ADARB2: variants seen among roughly 807,000 people sequenced by gnomAD.
ADARB2 encodes inactive double-stranded RNA-specific editase B2.
ADARB2 carries 25 observed loss-of-function variants against 62.2 expected under a neutral mutation model. The observed-to-expected ratio is 0.40, with a 90% CI of 0.29 to 0.56. ADARB2 has a LOEUF of 0.56. Ranked by LOEUF, ADARB2 falls within the 20% of genes least tolerant of loss-of-function variation. The pLI, the probability that ADARB2 is intolerant of heterozygous loss-of-function variation, is 0.43. For missense variants in ADARB2, 1,071 were observed against 1,077.4 expected, an observed-to-expected ratio of 0.99 and a Z score of 0.08; for synonymous variants, 572 against 500.8, an observed-to-expected ratio of 1.14 and a Z score of -1.90.
At chr10:1,397,020 C>T (rs1832621835) in intron 1 of ADARB2, among the ~76,000 whole-genome samples, 1 of 27,768 alleles carries the variant, frequency 3.6e-5, no homozygotes. Flanking sequence ...GGGTCACCAT[C>T]AGCCTCTCCC....
chr10:1,512,207 G>C (rs1440202191), intron 1 of ADARB2, among the ~76,000 whole-genome samples: 3 of 149,318 alleles, frequency 2.0e-5, no homozygotes, highest in African/African-American at 4.9e-5. Flanking sequence ...CATATGGATG[G>C]TGTCTACACT....
chr10:1,524,972 T>C (rs1480417316), intron 1 of ADARB2, among the ~76,000 whole-genome samples: 1 of 152,202 alleles, frequency 6.6e-6, no homozygotes, highest in African/African-American at 2.4e-5. Flanking sequence ...TACTGCTATG[T>C]CTTTTTACCT....
At chr10:1,589,754 A>G (rs537270484) in intron 1 of ADARB2, among the ~76,000 whole-genome samples, 14 of 152,026 alleles carry the variant, frequency 9.2e-5, no homozygotes, top group African/African-American at 3.4e-4. Context: ...GCTCACCACA[A>G]CCTCCGCTTC....
intron 1 of ADARB2, among the ~76,000 whole-genome samples, chr10:1,492,745 A>G (rs1457610186): frequency 6.6e-6 from 1 of 151,970 alleles, no homozygotes; most frequent in African/African-American, 2.4e-5. Context: ...TCTGAGTCTC[A>G]CAATCAGAAG....
chr10:1,558,675 A>C lies in ADARB2; in HGVS notation c.100+178376T>G, dbSNP rs1265873412. On this transcript the variant is annotated intron_variant, in intron 1 of 9. Transcript: ENST00000381312. The stretch of plus-strand genomic sequence containing the variant: ...TGGGTGCTCAGCACCCCCATGCCCC[A>C]TCTAAATCCACATCCCACCTCTGCC... 2.6e-5 allele frequency among the ~76,000 whole-genome samples: 2 copies of C among 75,486 alleles called. 1 individual carries two copies. The allele number at this position is 75,486 out of a possible 152,430, so 49.5% of individuals were successfully genotyped here.
chr10:1,377,118 T>G (rs1412297491), intron 2 of ADARB2, among the ~76,000 whole-genome samples: 3 of 131,162 alleles, frequency 2.3e-5, no homozygotes, highest in African/African-American at 8.9e-5. Flanking sequence ...GGGATGTGTG[T>G]GTGCGGTGCG....
chr10:1,568,205 C>T (rs754483188), intron 1 of ADARB2, among the ~76,000 whole-genome samples: 30 of 152,228 alleles, frequency 2.0e-4, no homozygotes, highest in Non-Finnish European at 3.8e-4. Flanking sequence ...TCAACAGAGG[C>T]TTGGCCAGGC....
chr10:1,191,823 C>T (rs950628), intron 8 of ADARB2, among the ~76,000 whole-genome samples: 34,489 of 152,040 alleles, frequency 0.23, 5,180 homozygotes, highest in African/African-American at 0.41. Context: ...GCTAAACACA[C>T]ACAATCGTGT....
intron 1 of ADARB2, among the ~76,000 whole-genome samples, chr10:1,473,221 T>A (rs1001554937): frequency 6.6e-6 from 1 of 152,156 alleles, no homozygotes; most frequent in Non-Finnish European, 1.5e-5. Context: ...AAACTCTCAC[T>A]CCTGCTCTAA....
At chr10:1,498,018 A>G (rs952911253) in intron 1 of ADARB2, among the ~76,000 whole-genome samples, 1 of 152,154 alleles carries the variant, frequency 6.6e-6, no homozygotes, top group Non-Finnish European at 1.5e-5. Flanking sequence ...ATTTGTGTGT[A>G]TATGGAAAAG....
intron 1 of ADARB2, among the ~76,000 whole-genome samples, chr10:1,529,696 G>A (rs1201812577): frequency 1.3e-5 from 2 of 152,196 alleles, no homozygotes; most frequent in African/African-American, 4.8e-5. Flanking sequence ...TCCACGGGAG[G>A]GGGAGGCTTC....
At chr10:1,628,624 A>T (rs1043555756) in intron 1 of ADARB2, among the ~76,000 whole-genome samples, 3 of 152,238 alleles carry the variant, frequency 2.0e-5, no homozygotes, top group Non-Finnish European at 2.9e-5. Context: ...TCTGTACAAG[A>T]AACCTCCATG....
chr10:1,208,478 A>C (rs1837100332), intron 7 of ADARB2, among the ~76,000 whole-genome samples: 1 of 152,200 alleles, frequency 6.6e-6, no homozygotes, highest in South Asian at 2.1e-4. Flanking sequence ...ACTCAGGTGC[A>C]GGCAGCCGGG....
chr10:1,534,281 C>T (rs1832294223), intron 1 of ADARB2, among the ~76,000 whole-genome samples: 1 of 152,104 alleles, frequency 6.6e-6, no homozygotes. Context: ...GGATTATAGG[C>T]ACCCACCACC....
chr10:1,645,947 G>T (rs750665230), intron 1 of ADARB2, among the ~76,000 whole-genome samples: 3 of 152,160 alleles, frequency 2.0e-5, no homozygotes, highest in Non-Finnish European at 4.4e-5. Context: ...GTCTGTCCCT[G>T]CCTGGTGGAG....
intron 6 of ADARB2, among the ~76,000 whole-genome samples, chr10:1,228,844 T>C (rs1325936394): frequency 1.3e-5 from 2 of 152,228 alleles, no homozygotes; most frequent in Non-Finnish European, 2.9e-5. Context: ...AGGCCGTCCA[T>C]GCCTCCAAGC....
chr10:1,371,438 A>G (rs1338936238), intron 2 of ADARB2, among the ~76,000 whole-genome samples: 4 of 152,352 alleles, frequency 2.6e-5, no homozygotes, highest in African/African-American at 7.2e-5. Flanking sequence ...GAAACAGACA[A>G]AGTGGACTTA....
At chr10:1,703,452 T>C (rs1196197689) in intron 1 of ADARB2, among the ~76,000 whole-genome samples, 1 of 152,074 alleles carries the variant, frequency 6.6e-6, no homozygotes, top group African/African-American at 2.4e-5. Flanking sequence ...GAGACTTTTT[T>C]AAGACAAGAG....
chr10:1,678,276 G>A (rs372582227), intron 1 of ADARB2: 300 of 984,702 alleles, frequency 3.0e-4, no homozygotes, highest in African/African-American at 2.5e-3. Context: ...GAGGGACCTC[G>A]GGGTGAGCGT....
Sources: allele counts gnomAD v4.1 joint callset (sites outside exome capture counted in the v4.1 genomes callset), GRCh38; gene constraint gnomAD v4.1.1; transcripts MANE v1.5; gene names NCBI Gene and HGNC (gene_info 2026-07-23, HGNC 2026-07-21).